BBX: variants seen among roughly 807,000 people sequenced by gnomAD.
BBX encodes the protein BBX high mobility group box domain containing, also known as HMG box transcription factor BBX.
Under a neutral mutation model 100.2 loss-of-function variants are expected in BBX, and 30 were observed. The observed-to-expected ratio is 0.30, with a 90% CI of 0.22 to 0.41. The LOEUF (loss-of-function observed/expected upper bound fraction) is 0.41, where lower values mean the gene tolerates loss of function less well. BBX is among the 10% of genes least tolerant of loss of function. BBX has a pLI of 1.00. For missense variants in BBX, 1,023 were observed against 1,129.8 expected (o/e 0.91, Z 1.35); for synonymous variants, 376 against 388.1 (o/e 0.97, Z 0.37).
chr3:107,744,547 T>C, intron 7 of BBX, 83 bp from the exon 8 acceptor site: 3 of 1,001,812 alleles, frequency 3.0e-6, no homozygotes, highest in Non-Finnish European at 4.6e-6. Flanking sequence ...ATAATAAAGA[T>C]CGCAAATGAA....
chr3:107,800,930 A>G (rs11707455), intron 16 of BBX, among the ~76,000 whole-genome samples, 165 bp from the exon 17 acceptor site: 24,539 of 152,296 alleles, frequency 0.16, 2,589 homozygotes, highest in South Asian at 0.36. Context: ...GAGCTTTGTT[A>G]CTGAGGAGAA....
At chr3:107,604,592 T>C (rs971900096) in intron 2 of BBX, among the ~76,000 whole-genome samples, 4 of 152,162 alleles carry the variant, frequency 2.6e-5, no homozygotes, top group African/African-American at 9.7e-5. Flanking sequence ...CTTCTGTTAT[T>C]GGTGGCCAAG....
rs771621646 is a variant in BBX, at chr3:107,710,422, CCT to C, written c.-9-29_-9-28del. 1.1e-4 allele frequency: 163 copies of C among 1,523,270 alleles called. No homozygotes were observed. The East Asian group carries it at 3.8e-3, about 35-fold the overall frequency. The allele number at this position is 1,523,270 out of a possible 1,614,324, so 94.4% of individuals were successfully genotyped here. ...GTGTCTCTCTTTCTCTCCCTGTTTCCCTGTTTCTCTCTCTCTCTTCCTATTAC... is the reference window on the plus strand; with the variant it reads ...GTGTCTCTCTTTCTCTCCCTGTTTCCGTTTCTCTCTCTCTCTTCCTATTAC... On this transcript the variant is annotated intron_variant, in intron 3 of 17. Transcript: ENST00000325805.
rs1212567904 is a variant in BBX at position 107,808,806 on chromosome 3, A to T, written c.*3349A>T. The T allele has an allele frequency of 1.3e-5, 2 of 152,200 alleles. No homozygotes were observed. The highest frequency in any genetic ancestry group is 2.9e-5 in the Non-Finnish European group (2 of 68,036). The allele number at this position is 152,200 out of a possible 1,614,324, so 9.4% of individuals were successfully genotyped here. ...GGTAAATTCTACTGTTGTAATTCCG[A>T]TAGTCTTTTTCCCACAAATATCAGA... On this transcript the variant is annotated 3_prime_UTR_variant, in exon 18 of 18. Coordinates refer to ENST00000325805, the MANE Select transcript of BBX (RefSeq NM_001142568.3).
intron 10 of BBX, among the ~76,000 whole-genome samples, chr3:107,770,871 A>G (rs2066848905): frequency 6.6e-6 from 1 of 152,204 alleles, no homozygotes; most frequent in South Asian, 2.1e-4. Context: ...CATTGAAAAT[A>G]CTAAGAGAAA....
intron 7 of BBX, 94 bp downstream of exon 7, chr3:107,733,117 G>T: frequency 9.5e-7 from 1 of 1,050,208 alleles, no homozygotes; most frequent in Admixed American, 2.4e-5. Context: ...CATTTTCACT[G>T]TTTACAGCTC....
chr3:107,560,549 C>G (rs1483793240), intron 2 of BBX, among the ~76,000 whole-genome samples: 1 of 152,112 alleles, frequency 6.6e-6, no homozygotes, highest in African/African-American at 2.4e-5. Context: ...TGTAAATATT[C>G]TGATTAATGG....
At chr3:107,542,871 C>T (rs532772475) in intron 2 of BBX, among the ~76,000 whole-genome samples, 74 of 152,160 alleles carry the variant, frequency 4.9e-4, no homozygotes, top group Non-Finnish European at 9.1e-4. Context: ...CCAGTCTAGG[C>T]TCCCACTGAA....
intron 10 of BBX, among the ~76,000 whole-genome samples, chr3:107,767,089 A>G (rs1374694893): frequency 6.6e-6 from 1 of 152,206 alleles, no homozygotes; most frequent in Non-Finnish European, 1.5e-5. Context: ...CATTAGGACA[A>G]ATACCTAATG....
chr3:107,593,785 CA>C (rs1559851874), intron 2 of BBX, among the ~76,000 whole-genome samples: 3 of 152,032 alleles, frequency 2.0e-5, no homozygotes, highest in African/African-American at 2.4e-5. Flanking sequence ...AACAAACAAA[CA>C]AAAAAAGTCC....
intron 3 of BBX, among the ~76,000 whole-genome samples, chr3:107,709,446 T>C (rs1272979961): frequency 2.0e-5 from 3 of 152,254 alleles, no homozygotes; most frequent in Non-Finnish European, 4.4e-5. Context: ...TTTGGACTAA[T>C]GCAAACATAC....
At chr3:107,583,623 T>G (rs2052447517) in intron 2 of BBX, among the ~76,000 whole-genome samples, 1 of 151,682 alleles carries the variant, frequency 6.6e-6, no homozygotes, top group Admixed American at 6.6e-5. Context: ...AAGTATACAA[T>G]AAATTATTAA....
chr3:107,697,718 G>A (rs1273336012), intron 3 of BBX, among the ~76,000 whole-genome samples: 1 of 151,828 alleles, frequency 6.6e-6, no homozygotes, highest in Non-Finnish European at 1.5e-5. Context: ...GCTGTGGTGG[G>A]CTCCACCCAG....
chr3:107,658,271 T>G (rs2058256611), intron 3 of BBX, among the ~76,000 whole-genome samples: 1 of 152,274 alleles, frequency 6.6e-6, no homozygotes, highest in South Asian at 2.1e-4. Flanking sequence ...GTTGTAATAT[T>G]CTTTAAATAT....
intron 9 of BBX, among the ~76,000 whole-genome samples, chr3:107,751,829 C>T (rs2065101769): frequency 6.6e-6 from 1 of 152,172 alleles, no homozygotes; most frequent in African/African-American, 2.4e-5. Context: ...CAGCTTGGCC[C>T]ATCCAAAGTG....
intron 12 of BBX, chr3:107,776,173 A>T (rs1256282801): frequency 6.6e-6 from 1 of 152,062 alleles, no homozygotes; most frequent in African/African-American, 2.4e-5. Flanking sequence ...AGCAGGTGTT[A>T]TGTAGGCAGT....
At chr3:107,597,335 G>A (rs946961669) in intron 2 of BBX, among the ~76,000 whole-genome samples, 12 of 151,946 alleles carry the variant, frequency 7.9e-5, no homozygotes, top group African/African-American at 2.7e-4. Context: ...GTGACCATAC[G>A]GCTCCCAGTG....
chr3:107,722,844 G>T (rs1404184036), intron 5 of BBX, among the ~76,000 whole-genome samples: 3 of 151,812 alleles, frequency 2.0e-5, no homozygotes, highest in African/African-American at 7.3e-5. Flanking sequence ...TTTTTATGAA[G>T]GAAAGGTCCT....
chr3:107,723,348 A>G (rs1369272786), intron 5 of BBX, among the ~76,000 whole-genome samples: 6 of 152,012 alleles, frequency 3.9e-5, no homozygotes, highest in African/African-American at 1.2e-4. Flanking sequence ...TGTTCATCAA[A>G]TTTGCATTTT....
Sources: allele counts gnomAD v4.1 joint callset (sites outside exome capture counted in the v4.1 genomes callset), GRCh38; gene constraint gnomAD v4.1.1; transcripts MANE v1.5; gene names NCBI Gene and HGNC (gene_info 2026-07-23, HGNC 2026-07-21).